Variants in GAN observed in about 807,000 individuals in gnomAD.
GAN encodes epididymis secretory sperm binding protein.
A neutral mutation model predicts 71.3 loss-of-function variants in GAN; 48 were observed. The ratio of observed to expected loss-of-function variants is 0.67; its 90% CI spans 0.53 to 0.86. GAN has a LOEUF of 0.86. Among genes scored for constraint, GAN ranks in the 40% least tolerant of loss-of-function variants. GAN has a pLI of 0.00. For missense variants in GAN, 928 were observed against 770.1 expected, an observed-to-expected ratio of 1.21 and a Z score of -2.43; for synonymous variants, 386 against 276.8, an observed-to-expected ratio of 1.39 and a Z score of -3.92.
intron 9 of GAN, among the ~76,000 whole-genome samples, chr16:81,371,707 G>C (rs912081749): frequency 6.6e-6 from 1 of 152,122 alleles, no homozygotes; most frequent in Non-Finnish European, 1.5e-5. Flanking sequence ...TTTCCTGATT[G>C]CTGAGTCCTG....
At chr16:81,364,485 T>G (rs1910783946) in intron 7 of GAN, among the ~76,000 whole-genome samples, 1 of 152,174 alleles carries the variant, frequency 6.6e-6, no homozygotes, top group South Asian at 2.1e-4. Context: ...CCGGCTGGTC[T>G]TGAACTCTTA....
At chr16:81,365,170 C>A (rs1910811026) in intron 8 of GAN, 60 bp downstream of exon 8, 1 of 1,586,416 alleles carries the variant, frequency 6.3e-7, no homozygotes, top group Admixed American at 1.7e-5. Context: ...TCTGGAGCCC[C>A]TTACCCTGCC....
intron 1 of GAN, among the ~76,000 whole-genome samples, chr16:81,328,669 A>G (rs922523444): frequency 1.4e-5 from 2 of 140,256 alleles, no homozygotes; most frequent in East Asian, 2.0e-4. Flanking sequence ...TTTTAGATCT[A>G]TCACCATTTT....
chr16:81,376,226 C>T (rs1308999697), intron 9 of GAN, among the ~76,000 whole-genome samples: 1 of 151,760 alleles, frequency 6.6e-6, no homozygotes, highest in Admixed American at 6.6e-5. Context: ...TACCATATAG[C>T]CCAGCAATTT....
At chr16:81,321,461 T>A (rs1205638175) in intron 1 of GAN, among the ~76,000 whole-genome samples, 1 of 152,246 alleles carries the variant, frequency 6.6e-6, no homozygotes, top group East Asian at 1.9e-4. Context: ...GTTTTTGTTA[T>A]ATAATTTAGG....
At position 81,387,266 on chromosome 16, in the gene GAN, C is replaced by G. The variant is rs188036516; in HGVS notation, c.*9670C>G. The G allele has an allele frequency of 2.0e-5, 3 of 151,912 alleles. No homozygotes were observed. The highest frequency in any genetic ancestry group is 6.6e-5 in the Admixed American group (1 of 15,244). The allele number at this position is 151,912 out of a possible 1,614,324, so 9.4% of individuals were successfully genotyped here. A position where few individuals can be genotyped will look rare whatever the true frequency, so the allele number is the denominator to read the frequency against. On this transcript the variant is annotated 3_prime_UTR_variant, in exon 11 of 11. Coordinates refer to ENST00000648994, the MANE Select transcript of GAN (RefSeq NM_022041.4). ...GAAATTTCAGAAAAAAGTTTTGTTG[C>G]GGGGGGTGGGATATTGATCATTTGA...
chr16:81,356,740 G>A (rs560887384), intron 3 of GAN, 45 bp from the exon 4 acceptor site: 3 of 1,253,800 alleles, frequency 2.4e-6, no homozygotes, highest in South Asian at 1.2e-5. Flanking sequence ...ATGATGTGTT[G>A]CATTTTCCAT....
intron 9 of GAN, among the ~76,000 whole-genome samples, chr16:81,374,959 T>C (rs990991917): frequency 6.6e-6 from 1 of 151,742 alleles, no homozygotes; most frequent in Non-Finnish European, 1.5e-5. Flanking sequence ...ACCCAAAAAA[T>C]TAACTTGAAA....
chr16:81,328,487 G>T (rs1473616678), intron 1 of GAN, among the ~76,000 whole-genome samples: 1 of 152,154 alleles, frequency 6.6e-6, no homozygotes, highest in Non-Finnish European at 1.5e-5. Flanking sequence ...CAGAAAAAGA[G>T]TTTGGGTTCT....
chr16:81,326,647 T>C (rs1160761716), intron 1 of GAN, among the ~76,000 whole-genome samples: 2 of 152,232 alleles, frequency 1.3e-5, no homozygotes, highest in Non-Finnish European at 1.5e-5. Flanking sequence ...TGTTCGAATA[T>C]CACAGAGTGT....
chr16:81,328,094 G>C (rs1909447637), intron 1 of GAN, among the ~76,000 whole-genome samples: 2 of 152,164 alleles, frequency 1.3e-5, no homozygotes, highest in African/African-American at 4.8e-5. Flanking sequence ...TTCAAACCTT[G>C]TCTTTTAAGA....
At chr16:81,339,917 C>G (rs935309269) in intron 1 of GAN, among the ~76,000 whole-genome samples, 1 of 152,082 alleles carries the variant, frequency 6.6e-6, no homozygotes, top group African/African-American at 2.4e-5. Context: ...TGATACTTAA[C>G]CTTCAGGTGT....
At chr16:81,335,616 G>T (rs183039276) in intron 1 of GAN, among the ~76,000 whole-genome samples, 3 of 151,912 alleles carry the variant, frequency 2.0e-5, no homozygotes, top group African/African-American at 7.2e-5. Flanking sequence ...GTGTGGTGGC[G>T]CACACTTGCA....
intron 1 of GAN, among the ~76,000 whole-genome samples, chr16:81,336,150 A>G (rs1446370092): frequency 6.6e-6 from 1 of 152,148 alleles, no homozygotes; most frequent in East Asian, 1.9e-4. Context: ...ATGGAGCTGT[A>G]TGGAGGGCAG....
rs1430900797 is a variant in GAN at position 81,377,902 on chromosome 16, A to G, written c.*306A>G. On this transcript the variant is annotated 3_prime_UTR_variant, in exon 11 of 11. Coordinates refer to ENST00000648994, the MANE Select transcript of GAN (RefSeq NM_022041.4). ...GGGAATTGCTATCATGTAAAATATC[A>G]AAGTTAAAATACTAAGGTGCATTTT... 7.2e-6 allele frequency: 3 copies of G among 417,470 alleles called. No homozygotes were observed. Among genetic ancestry groups the G allele is most frequent in the African/African-American group, 2.0e-5 (1 of 49,996 alleles). The allele number at this position is 417,470 out of a possible 1,614,324, so 25.9% of individuals were successfully genotyped here.
At chr16:81,322,610 C>G (rs1909256687) in intron 1 of GAN, among the ~76,000 whole-genome samples, 2 of 152,288 alleles carry the variant, frequency 1.3e-5, no homozygotes, top group South Asian at 4.1e-4. Context: ...CTCTCAACTA[C>G]AAAGTTGTTT....
At position 81,362,697 on chromosome 16, in the gene GAN, AAACGGCAGCCTTGTC is replaced by A. The variant is rs1172170505; in HGVS notation, c.1086+89_1086+103del. The A allele has an allele frequency of 4.5e-5, 37 of 817,262 alleles. 1 individual carries two copies. Among genetic ancestry groups the A allele is most frequent in the Non-Finnish European group, 2.2e-6 (1 of 463,078 alleles). The allele number at this position is 817,262 out of a possible 1,614,324, so 50.6% of individuals were successfully genotyped here. A position where few individuals can be genotyped will look rare whatever the true frequency, so the allele number is the denominator to read the frequency against. Reference sequence around the variant, plus strand: ...TGTTTTGTGTCTGAGTTCAGGGAAGAAACGGCAGCCTTGTCAAGCCACCTGCCTCATTCGCTCCAA... The same window carrying A: ...TGTTTTGTGTCTGAGTTCAGGGAAGAAAGCCACCTGCCTCATTCGCTCCAA... On this transcript the variant is annotated intron_variant, in intron 6 of 10. Coordinates refer to ENST00000648994, the MANE Select transcript of GAN (RefSeq NM_022041.4).
chr16:81,343,076 A>G (rs1321826529), intron 1 of GAN, among the ~76,000 whole-genome samples: 1 of 152,228 alleles, frequency 6.6e-6, no homozygotes, highest in African/African-American at 2.4e-5. Flanking sequence ...AAACTAAACC[A>G]GGAAGAAGTT....
chr16:81,335,909 G>A (rs1181264192), intron 1 of GAN, among the ~76,000 whole-genome samples: 1 of 152,144 alleles, frequency 6.6e-6, no homozygotes, highest in East Asian at 1.9e-4. Flanking sequence ...GAAGAGTCCA[G>A]CTCTGAGCTC....
Sources: allele counts gnomAD v4.1 joint callset (sites outside exome capture counted in the v4.1 genomes callset), GRCh38; gene constraint gnomAD v4.1.1; transcripts MANE v1.5; gene names NCBI Gene and HGNC (gene_info 2026-07-23, HGNC 2026-07-21).